The following SLTM variants were observed in gnomAD, a reference collection of about 807,000 sequenced individuals.
SLTM encodes the protein SAFB like transcription modulator, also known as SAFB-like transcription modulator.
In SLTM, 43 loss-of-function variants were observed where a neutral mutation model predicts 134.6. The observed-to-expected ratio is 0.32, with a 90% CI of 0.25 to 0.41. The LOEUF (loss-of-function observed/expected upper bound fraction) is 0.41. SLTM is among the 10% of genes least tolerant of loss of function. The pLI is 1.00. For missense variants in SLTM, 1,055 were observed against 1,288.8 expected, an observed-to-expected ratio of 0.82 and a Z score of 2.78; for synonymous variants, 424 against 432.3, an observed-to-expected ratio of 0.98 and a Z score of 0.24.
intron 5 of SLTM, among the ~76,000 whole-genome samples, chr15:58,905,126 GA>G (rs1231650033): frequency 1.3e-5 from 2 of 152,198 alleles, no homozygotes; most frequent in Non-Finnish European, 2.9e-5. Context: ...TTACAGGCAG[GA>G]GCCATTGCAC....
Position 58,897,213 on chromosome 15 carries a change from C to A in SLTM, c.1129G>T (p.Gly377Cys). 6.2e-7 allele frequency: 1 copy of A among 1,602,204 alleles called. No individual in the cohort carries two copies. The highest frequency in any genetic ancestry group is 1.1e-5 in the South Asian group (1 of 90,826). Residue 377 changes from glycine (G) to cysteine (C), a missense_variant, in exon 9 of 21, where the codon GGT becomes TGT. Coordinates refer to ENST00000380516, the MANE Select transcript of SLTM (RefSeq NM_024755.4). ...TTTTTAGTTGAGCTTCCACTGCTAC[C>A]ACTAGTACTACTTGTACTTCCTAGA... ...DDKGSTSSTS[G>C]SSGSSTKNIW...
intron 20 of SLTM, 25 bp from the exon 21 acceptor site, chr15:58,880,132 A>AC (rs756884818): frequency 6.2e-7 from 1 of 1,607,424 alleles, no homozygotes; most frequent in Non-Finnish European, 8.5e-7. Context: ...AAAGAAAAAA[A>AC]CATCAGAGAA....
At chr15:58,882,213 C>T (rs1287815635) in intron 20 of SLTM, among the ~76,000 whole-genome samples, 8 of 96,908 alleles carry the variant, frequency 8.3e-5, no homozygotes, top group African/African-American at 3.0e-4. Flanking sequence ...GAAATTTATA[C>T]TAGGAATGAA....
intron 19 of SLTM, 60 bp downstream of exon 19, chr15:58,886,915 G>A: frequency 1.2e-6 from 2 of 1,600,862 alleles, no homozygotes; most frequent in South Asian, 2.2e-5. Context: ...ATCCAGAGTA[G>A]CTCATGAATC....
At chr15:58,916,482 G>C (rs186618267) in intron 3 of SLTM, 213 of 153,470 alleles carry the variant, frequency 1.4e-3, no homozygotes, top group Non-Finnish European at 2.2e-3. Context: ...CCCTTAATTT[G>C]ATCTTTACCA....
At chr15:58,917,735 AT>A (rs1427672050) in intron 2 of SLTM, among the ~76,000 whole-genome samples, 3 of 151,828 alleles carry the variant, frequency 2.0e-5, no homozygotes, top group South Asian at 4.2e-4. Flanking sequence ...GTAGTTAGAA[AT>A]TTTTTTTAAG....
intron 15 of SLTM, 76 bp downstream of exon 15, chr15:58,890,205 A>T (rs2034546947): frequency 6.5e-7 from 1 of 1,543,402 alleles, no homozygotes; most frequent in African/African-American, 1.4e-5. Context: ...ACAACAAGTA[A>T]AGCAAGTTTT....
intron 5 of SLTM, among the ~76,000 whole-genome samples, chr15:58,907,999 C>CTGTGTGTGTGTGTG (rs1453964527): frequency 2.3e-5 from 1 of 43,550 alleles, no homozygotes; most frequent in Non-Finnish European, 4.3e-5. Flanking sequence ...TATAAACATG[C>CTGTGTGTGTGTGTG]TGCGTGTGTG....
Position 58,888,402 on chromosome 15 carries a change from C to T in SLTM, c.2358G>A (p.Gln786=). The change falls in exon 17 of 21, where the codon CAG becomes CAA. Residue 786 remains glutamine (Q), a synonymous_variant. Coordinates refer to ENST00000380516, the MANE Select transcript of SLTM (RefSeq NM_024755.4). ...ATATCTACCTTTCAAAAGATGAAGACTGTACTGCTGAACTCTCAGGAAACC... is the reference window on the plus strand; with the variant it reads ...ATATCTACCTTTCAAAAGATGAAGATTGTACTGCTGAACTCTCAGGAAACC... ...RGRFPESSAV[Q]SSSFERRDRF... 6.2e-7 allele frequency: 1 copy of T among 1,606,386 alleles called. No individual in the cohort carries two copies. The highest frequency in any genetic ancestry group is 8.5e-7 in the Non-Finnish European group (1 of 1,177,904).
intron 8 of SLTM, 161 bp downstream of exon 8, chr15:58,898,642 T>C: frequency 6.8e-6 from 4 of 584,162 alleles, no homozygotes; most frequent in Non-Finnish European, 1.2e-5. Flanking sequence ...TTTTCTGTAA[T>C]ATATATAATT....
intron 2 of SLTM, among the ~76,000 whole-genome samples, chr15:58,922,670 TA>T (rs1417784598): frequency 6.8e-6 from 1 of 147,356 alleles, no homozygotes; most frequent in Non-Finnish European, 1.5e-5. Flanking sequence ...AAAAAATATA[TA>T]AAATATATAA....
chr15:58,932,534 C>T (rs541428822), intron 1 of SLTM, 91 bp from the exon 2 acceptor site: 1 of 864,352 alleles, frequency 1.2e-6, no homozygotes, highest in Admixed American at 2.2e-5. Context: ...AAACCTCAAG[C>T]CTCAAGACAT....
In SLTM at chr15:58,888,417, C is replaced by T. The variant is rs769270249; in HGVS notation, c.2343G>A (p.Glu781=). Reference sequence around the variant, plus strand: ...AAGATGAAGACTGTACTGCTGAACTCTCAGGAAACCTGCCCCTCTCTCGGT... The same window carrying T: ...AAGATGAAGACTGTACTGCTGAACTTTCAGGAAACCTGCCCCTCTCTCGGT... ...FDHRERGRFP[E]SSAVQSSSFE... The change falls in exon 17 of 21, where the codon GAG becomes GAA. Residue 781 remains glutamate (E), a synonymous_variant. Coordinates refer to ENST00000380516, the MANE Select transcript of SLTM (RefSeq NM_024755.4). The T allele has an allele frequency of 3.7e-6, 6 of 1,611,828 alleles. No homozygotes were observed. In the South Asian group the frequency reaches 6.6e-5, roughly 18 times the overall value.
chr15:58,901,868 G>C (rs1261898631), intron 5 of SLTM, among the ~76,000 whole-genome samples: 4 of 151,358 alleles, frequency 2.6e-5, no homozygotes, highest in Admixed American at 2.6e-4. Context: ...CTCCAGCTGG[G>C]TGACAGAGTA....
chr15:58,903,994 T>C (rs540894262), intron 5 of SLTM, among the ~76,000 whole-genome samples: 65 of 152,298 alleles, frequency 4.3e-4, no homozygotes, highest in African/African-American at 1.4e-3. Context: ...CTCTCTCTCT[T>C]TCTTTTTCAA....
chr15:58,886,391 A>C (rs775546671), intron 19 of SLTM, among the ~76,000 whole-genome samples: 4 of 151,350 alleles, frequency 2.6e-5, no homozygotes, highest in Non-Finnish European at 5.9e-5. Context: ...TTCAGCCTCC[A>C]GAGTAGCTGG....
At chr15:58,927,034 G>T (rs2037520578) in intron 2 of SLTM, among the ~76,000 whole-genome samples, 1 of 152,092 alleles carries the variant, frequency 6.6e-6, no homozygotes, top group South Asian at 2.1e-4. Context: ...CAGCATCAAT[G>T]TGGTAAAGAA....
At chr15:58,889,176 G>C (rs961154141) in intron 16 of SLTM, 12 of 343,600 alleles carry the variant, frequency 3.5e-5, no homozygotes, top group South Asian at 1.3e-4. Flanking sequence ...AATTATTATT[G>C]AAGCCTACTA....
Position 58,933,418 on chromosome 15 carries a change from A to T in SLTM, c.148T>A (p.Ser50Thr). The T allele has an allele frequency of 1.3e-6, 2 of 1,579,510 alleles. No individual in the cohort carries two copies. Among genetic ancestry groups the T allele is most frequent in the Non-Finnish European group, 1.7e-6 (2 of 1,163,210 alleles). The change falls in exon 1 of 21, where the codon TCC becomes ACC. Residue 50 changes from serine to threonine, a missense_variant. This residue lies in a region of SLTM where 268 missense variants were observed against 284.3 expected (regional missense o/e 0.94). Transcript: ENST00000380516. ...DITGVKTVLI[S>T]RLKQAIEEEG... ...CCGGGCCTCACCTGCTTGAGTCGGGAGATGAGCACGGTCTTGACTCCGGTG... is the reference window on the plus strand; with the variant it reads ...CCGGGCCTCACCTGCTTGAGTCGGGTGATGAGCACGGTCTTGACTCCGGTG...
Sources: allele counts gnomAD v4.1 joint callset (sites outside exome capture counted in the v4.1 genomes callset), GRCh38; gene constraint gnomAD v4.1.1; regional missense constraint gnomAD v4.1.1; transcripts MANE v1.5; gene names NCBI Gene and HGNC (gene_info 2026-07-23, HGNC 2026-07-21).